Variants in PRH1 observed in about 807,000 individuals in gnomAD.
PRH1 encodes proline rich protein HaeIII subfamily 1, also known as salivary acidic proline-rich phosphoprotein 1/2.
A neutral mutation model predicts 7.9 loss-of-function variants in PRH1; 7 were observed. The ratio of observed to expected loss-of-function variants is 0.89; its 90% CI spans 0.50 to 1.67. PRH1 has a LOEUF of 1.67. Ranked by LOEUF, PRH1 falls within the 40% of genes most tolerant of loss-of-function variation. The pLI, the probability that PRH1 is intolerant of heterozygous loss-of-function variation, is 0.00. For missense variants in PRH1, 109 were observed against 223.6 expected (o/e 0.49, Z 3.27); for synonymous variants, 45 against 80.8 (o/e 0.56, Z 2.38).
At chr12:10,890,816 TGGGAG>T (rs1202465691) in intron 2 of PRH1, among the ~76,000 whole-genome samples, 1 of 115,076 alleles carries the variant, frequency 8.7e-6, no homozygotes, top group Non-Finnish European at 1.8e-5. Flanking sequence ...GAGGAGGGGA[TGGGAG>T]GGGAGGGGAG....
chr12:11,060,896 A>T lies in PRH1; in HGVS notation n.124-13708T>A, dbSNP rs1943569199. Among the ~76,000 whole-genome samples the T allele has an allele frequency of 2.0e-5, 3 of 152,406 alleles. No individual in the cohort carries two copies. The South Asian group carries it at 6.2e-4, about 32-fold the overall frequency. ...GAATGACCTTACCATCCAAAAAGTT[A>T]CAGGTTCAAACAATGAATTCGAAGC... On this transcript the variant is annotated intron_variant and non_coding_transcript_variant, in intron 1 of 4. Coordinates refer to the PRH1 transcript ENST00000541977.
intron 1 of PRH1, among the ~76,000 whole-genome samples, chr12:11,027,700 A>T (rs2084648): frequency 0.75 from 113,960 of 152,110 alleles, 43,429 homozygotes; most frequent in East Asian, 0.88. Context: ...CTGGCCACTG[A>T]GCCAGATGAT....
At chr12:11,021,784 A>AG in intron 1 of PRH1, 1 of 1,614,262 alleles carries the variant, frequency 6.2e-7, no homozygotes, top group African/African-American at 1.3e-5. Context: ...AGTTTGGCAA[A>AG]GCAGGAGTAC....
intron 1 of PRH1, among the ~76,000 whole-genome samples, chr12:11,038,070 T>A (rs565162394): frequency 6.6e-6 from 1 of 152,358 alleles, no homozygotes; most frequent in East Asian, 1.9e-4. Flanking sequence ...TTTTAAATTT[T>A]AATTTGGATT....
At chr12:10,912,386 A>C (rs954562482) in intron 2 of PRH1, among the ~76,000 whole-genome samples, 2 of 152,020 alleles carry the variant, frequency 1.3e-5, no homozygotes, top group African/African-American at 4.8e-5. Flanking sequence ...TTATGTTTTC[A>C]TGTAATTTTG....
chr12:10,966,469 A>G (rs1434485640), intron 2 of PRH1, among the ~76,000 whole-genome samples: 1 of 152,186 alleles, frequency 6.6e-6, no homozygotes, highest in Non-Finnish European at 1.5e-5. Flanking sequence ...TTGCCTGGCT[A>G]CTACTCTGTT....
chr12:11,066,013 G>A (rs1943793527), intron 1 of PRH1, among the ~76,000 whole-genome samples: 1 of 152,178 alleles, frequency 6.6e-6, no homozygotes, highest in African/African-American at 2.4e-5. Context: ...TCTATTCCAT[G>A]ATTTAAATTT....
intron 2 of PRH1, among the ~76,000 whole-genome samples, chr12:10,929,553 C>T (rs961206474): frequency 1.3e-5 from 2 of 151,860 alleles, no homozygotes; most frequent in African/African-American, 2.4e-5. Context: ...GAATTTGTAC[C>T]GGGGGAGTGA....
At chr12:11,117,898 T>C (rs1206206358), downstream of PRH1, among the ~76,000 whole-genome samples, 3 of 152,168 alleles carry the variant, frequency 2.0e-5, no homozygotes, top group Admixed American at 1.3e-4. Context: ...CATATATCTA[T>C]ACAAATATCA....
At chr12:11,031,178 A>G (rs1185156104) in intron 1 of PRH1, 2 of 1,614,068 alleles carry the variant, frequency 1.2e-6, no homozygotes, top group Non-Finnish European at 8.5e-7. Flanking sequence ...AACTCTGGAG[A>G]CCGCCAGAGC....
At chr12:11,041,754 A>G (rs1942719062) in intron 1 of PRH1, among the ~76,000 whole-genome samples, 1 of 152,216 alleles carries the variant, frequency 6.6e-6, no homozygotes, top group African/African-American at 2.4e-5. Context: ...AAACAATCCA[A>G]AAAACTGAAA....
At chr12:10,946,809 T>G (rs557962854) in intron 2 of PRH1, among the ~76,000 whole-genome samples, 19 of 152,310 alleles carry the variant, frequency 1.2e-4, no homozygotes, top group African/African-American at 4.3e-4. Context: ...CTGCCTTAGT[T>G]GTGTCTCAGA....
At position 11,053,851 on chromosome 12, in the gene PRH1, G is replaced by A. The variant is rs183310846; in HGVS notation, n.124-6663C>T. 1.8e-4 allele frequency among the ~76,000 whole-genome samples: 27 copies of A among 151,752 alleles called. No individual in the cohort carries two copies. The East Asian group carries it at 2.1e-3, about 12-fold the overall frequency. ...GTGTGTGTGTGTGAGATGGAGTTTCGCTCTTGTCACCCAGGCTGCAGTGCA... is the reference window on the plus strand; with the variant it reads ...GTGTGTGTGTGTGAGATGGAGTTTCACTCTTGTCACCCAGGCTGCAGTGCA... On this transcript the variant is annotated intron_variant and non_coding_transcript_variant, in intron 1 of 4. Transcript: ENST00000541977.
intron 1 of PRH1, among the ~76,000 whole-genome samples, chr12:11,153,945 G>A (rs900545559): frequency 1.3e-5 from 2 of 152,100 alleles, no homozygotes; most frequent in African/African-American, 4.8e-5. Context: ...AAACAAGAGA[G>A]CGAAACAAGT....
chr12:11,113,142 TAA>T (rs1226344829), intron 1 of PRH1, among the ~76,000 whole-genome samples: 1 of 151,794 alleles, frequency 6.6e-6, no homozygotes, highest in Non-Finnish European at 1.5e-5. Context: ...CTCAAGGAAA[TAA>T]GAGAGGACAC....
chr12:11,113,395 T>G (rs1029891059), intron 1 of PRH1, among the ~76,000 whole-genome samples: 8 of 152,040 alleles, frequency 5.3e-5, no homozygotes, highest in African/African-American at 1.9e-4. Flanking sequence ...AACAGAGGCC[T>G]CAGAAATAAT....
chr12:10,885,670 C>T (rs1422273945), upstream of PRH1, among the ~76,000 whole-genome samples: 2 of 152,218 alleles, frequency 1.3e-5, no homozygotes, highest in Non-Finnish European at 2.9e-5. Context: ...ATTCCCTGCT[C>T]ATCAATTCAT....
At chr12:11,076,743 T>G (rs1944307242) in intron 1 of PRH1, 1 of 114,698 alleles carries the variant, frequency 8.7e-6, no homozygotes, top group African/African-American at 2.9e-5. Flanking sequence ...CTGTTTTTGG[T>G]ATATATAAAT....
chr12:11,140,708 G>T (rs1429794586), intron 1 of PRH1, among the ~76,000 whole-genome samples: 2 of 152,088 alleles, frequency 1.3e-5, no homozygotes, highest in African/African-American at 4.8e-5. Flanking sequence ...AGCATGCCAA[G>T]GAAGAGTTTT....
Sources: allele counts gnomAD v4.1 joint callset (sites outside exome capture counted in the v4.1 genomes callset), GRCh38; gene constraint gnomAD v4.1.1; transcripts MANE v1.5; gene names NCBI Gene and HGNC (gene_info 2026-07-23, HGNC 2026-07-21).